DNAJC6: variants seen among roughly 807,000 people sequenced by gnomAD.
The protein encoded by DNAJC6 is DnaJ heat shock protein family (Hsp40) member C6, also known as auxilin.
A neutral mutation model predicts 110.0 loss-of-function variants in DNAJC6; 34 were observed. The observed-to-expected ratio is 0.31, with a 90% CI of 0.24 to 0.41. The LOEUF (loss-of-function observed/expected upper bound fraction) is 0.41, where lower values mean the gene tolerates loss of function less well. Among genes scored for constraint, DNAJC6 ranks in the 10% least tolerant of loss-of-function variants. DNAJC6 has a pLI of 1.00. For synonymous variants in DNAJC6, 406 were observed against 437.2 expected (o/e 0.93, Z 0.89); for missense variants, 1,031 against 1,207.8 (o/e 0.85, Z 2.17).
chr1:65,404,733 G>C (rs1646059173), intron 15 of DNAJC6, among the ~76,000 whole-genome samples: 1 of 152,172 alleles, frequency 6.6e-6, no homozygotes, highest in Admixed American at 6.5e-5. Flanking sequence ...GTAGTGAAAG[G>C]CTTAGCAATT....
chr1:65,317,977 T>C (rs555628006), intron 1 of DNAJC6, among the ~76,000 whole-genome samples: 1 of 152,246 alleles, frequency 6.6e-6, no homozygotes, highest in African/African-American at 2.4e-5. Context: ...GTGCATGGTA[T>C]GTTTAGAGAA....
chr1:65,341,535 G>T (rs74080547), intron 1 of DNAJC6, among the ~76,000 whole-genome samples: 1 of 152,092 alleles, frequency 6.6e-6, no homozygotes, highest in African/African-American at 2.4e-5. Context: ...AAAGAAAAAA[G>T]GCTGTGACCC....
intron 14 of DNAJC6, among the ~76,000 whole-genome samples, chr1:65,399,176 T>A (rs1646007493): frequency 6.6e-6 from 1 of 152,226 alleles, no homozygotes; most frequent in African/African-American, 2.4e-5. Flanking sequence ...ACTCTTGGGT[T>A]TTTTTGGCAA....
chr1:65,264,881 C>A (rs751028225), exon 1 of DNAJC6: 1 of 1,612,302 alleles, frequency 6.2e-7, no homozygotes, highest in South Asian at 1.1e-5. Context: ...GACTTTCCTG[C>A]TCATTTGCAG....
At chr1:65,321,756 A>G (rs2101416647) in intron 1 of DNAJC6, among the ~76,000 whole-genome samples, 1 of 152,348 alleles carries the variant, frequency 6.6e-6, no homozygotes, top group East Asian at 1.9e-4. Context: ...GCTTATACAC[A>G]GTGAAACTAG....
chr1:65,286,643 A>G (rs962947485), intron 1 of DNAJC6, among the ~76,000 whole-genome samples: 3 of 152,218 alleles, frequency 2.0e-5, no homozygotes, highest in African/African-American at 7.2e-5. Context: ...AAAAGATGGT[A>G]GGAGTGTGTT....
chr1:65,406,782 T>C (rs1265864729), intron 16 of DNAJC6, among the ~76,000 whole-genome samples: 1 of 152,158 alleles, frequency 6.6e-6, no homozygotes, highest in Non-Finnish European at 1.5e-5. Context: ...ATGGTTAGAT[T>C]TGAGTTTATT....
chr1:65,405,757 A>T, intron 15 of DNAJC6, 113 bp from the exon 16 acceptor site: 1 of 1,256,012 alleles, frequency 8.0e-7, no homozygotes, highest in Non-Finnish European at 1.1e-6. Context: ...AAGATTACTT[A>T]TGCTGTCAGT....
At chr1:65,274,108 A>G (rs1300110874) in intron 1 of DNAJC6, among the ~76,000 whole-genome samples, 1 of 151,904 alleles carries the variant, frequency 6.6e-6, no homozygotes, top group East Asian at 1.9e-4. Flanking sequence ...ATATTTGCCA[A>G]TTTTTGCTTT....
chr1:65,384,494 G>A (rs2101598437), intron 6 of DNAJC6, among the ~76,000 whole-genome samples, 168 bp downstream of exon 6: 1 of 152,288 alleles, frequency 6.6e-6, no homozygotes, highest in East Asian at 1.9e-4. Flanking sequence ...AATTTATAAA[G>A]AAAAAGAGTT....
chr1:65,407,156 C>A (rs1646085032), intron 16 of DNAJC6, among the ~76,000 whole-genome samples: 1 of 152,156 alleles, frequency 6.6e-6, no homozygotes, highest in South Asian at 2.1e-4. Flanking sequence ...TGTCTTACTC[C>A]ATCCTGCCTA....
chr1:65,273,554 C>T (rs1001400549), intron 1 of DNAJC6, among the ~76,000 whole-genome samples: 1 of 152,060 alleles, frequency 6.6e-6, no homozygotes. Context: ...CGAGATCACA[C>T]CACTGCACTC....
At chr1:65,392,931 G>T (rs1038338025) in intron 12 of DNAJC6, 66 bp downstream of exon 12, 2 of 1,384,844 alleles carry the variant, frequency 1.4e-6, no homozygotes, top group Non-Finnish European at 9.5e-7. Context: ...CAAATAGGTG[G>T]AATTGAACTT....
At chr1:65,365,734 T>C in intron 2 of DNAJC6, 151 bp from the exon 3 acceptor site, 1 of 820,896 alleles carries the variant, frequency 1.2e-6, no homozygotes, top group Non-Finnish European at 2.0e-6. Context: ...TTCTCAGTGA[T>C]CCTTCCTTGT....
intron 5 of DNAJC6, among the ~76,000 whole-genome samples, chr1:65,380,899 T>TTG: frequency 7.3e-6 from 1 of 136,528 alleles, no homozygotes. Flanking sequence ...AGTTTTTTTT[T>TTG]TTTTGTTTTT....
At chr1:65,281,663 C>T (rs1475254257) in intron 1 of DNAJC6, among the ~76,000 whole-genome samples, 4 of 152,054 alleles carry the variant, frequency 2.6e-5, no homozygotes, top group Non-Finnish European at 5.9e-5. Flanking sequence ...GACTGGAGTG[C>T]AGTGGCACAA....
At chr1:65,315,942 A>G (rs183859869) in intron 1 of DNAJC6, among the ~76,000 whole-genome samples, 6 of 152,350 alleles carry the variant, frequency 3.9e-5, no homozygotes, top group Admixed American at 3.9e-4. Flanking sequence ...TTTTAATCCC[A>G]TGAAAGTACA....
chr1:65,328,797 G>C (rs1570283443), intron 1 of DNAJC6, among the ~76,000 whole-genome samples: 1 of 152,194 alleles, frequency 6.6e-6, no homozygotes, highest in Non-Finnish European at 1.5e-5. Context: ...TTTAGAGGAG[G>C]AGTGGGAGGC....
At chr1:65,300,994 G>A (rs992406921) in intron 1 of DNAJC6, among the ~76,000 whole-genome samples, 1 of 152,168 alleles carries the variant, frequency 6.6e-6, no homozygotes, top group African/African-American at 2.4e-5. Flanking sequence ...AATGGGCTCA[G>A]GGCCAAACAT....
Sources: allele counts gnomAD v4.1 joint callset (sites outside exome capture counted in the v4.1 genomes callset), GRCh38; gene constraint gnomAD v4.1.1; transcripts MANE v1.5; gene names NCBI Gene and HGNC (gene_info 2026-07-23, HGNC 2026-07-21).